GMEB2: variants seen among roughly 807,000 people sequenced by gnomAD.
The protein encoded by GMEB2 is glucocorticoid modulatory element binding protein 2, also known as glucocorticoid modulatory element-binding protein 2.
In GMEB2, 7 loss-of-function variants were observed where a neutral mutation model predicts 45.7. The observed-to-expected ratio is 0.15, with a 90% CI of 0.09 to 0.29. The LOEUF (loss-of-function observed/expected upper bound fraction) is 0.29, where lower values mean the gene tolerates loss of function less well. Ranked by LOEUF, GMEB2 falls within the 10% of genes least tolerant of loss-of-function variation. GMEB2 has a pLI of 1.00. For missense variants in GMEB2, 582 were observed against 739.2 expected (o/e 0.79, Z 2.47); for synonymous variants, 322 against 323.6 (o/e 1.00, Z 0.05).
Position 63,592,233 on chromosome 20 carries a change from G to A in GMEB2, c.830-89C>T. 1.6e-6 allele frequency: 2 copies of A among 1,287,070 alleles called. No homozygotes were observed. Among genetic ancestry groups the A allele is most frequent in the South Asian group, 2.7e-5 (2 of 74,762 alleles). The allele number at this position is 1,287,070 out of a possible 1,614,324, so 79.7% of individuals were successfully genotyped here. A position where few individuals can be genotyped will look rare whatever the true frequency, so the allele number is the denominator to read the frequency against. On this transcript the variant is annotated intron_variant, in intron 8 of 9. Coordinates refer to ENST00000370077, the MANE Select transcript of GMEB2 (RefSeq NM_012384.5). This position sits in a 1 kb window ranked among gnomAD's most constrained non-coding sequence, Gnocchi z 8.2. Reference sequence around the variant, plus strand: ...TCGGTGAGAGCCCGGGACCTTCCTAGAGAGTCACGTGGACGCTCGGTGAGA... The same window carrying A: ...TCGGTGAGAGCCCGGGACCTTCCTAAAGAGTCACGTGGACGCTCGGTGAGA...
intron 4 of GMEB2, among the ~76,000 whole-genome samples, chr20:63,601,859 G>GGGCCTGTGGCTTCCGTGC: frequency 6.9e-6 from 1 of 145,074 alleles, no homozygotes; most frequent in East Asian, 2.0e-4. Context: ...GGCTTCCGTG[G>GGGCCTGTGGCTTCCGTGC]GGCCTGTGGC....
chr20:63,622,806 C>T (rs7272173), intron 1 of GMEB2, among the ~76,000 whole-genome samples: 189 of 152,240 alleles, frequency 1.2e-3, no homozygotes, highest in African/African-American at 4.4e-3. Flanking sequence ...TGGTTAAACA[C>T]CATGAAGGAA....
chr20:63,603,234 A>C, intron 3 of GMEB2, 142 bp from the exon 4 acceptor site: 1 of 827,556 alleles, frequency 1.2e-6, no homozygotes, highest in Non-Finnish European at 1.9e-6. Flanking sequence ...GATAGAGCCA[A>C]GGTGGGCAGG....
intron 9 of GMEB2, 112 bp downstream of exon 9, chr20:63,591,910 G>A: frequency 1.1e-6 from 1 of 883,676 alleles, no homozygotes; most frequent in African/African-American, 1.7e-5. Context: ...GCTCGCCGTG[G>A]TGGCGGTGAC....
At chr20:63,601,853 T>TTA (rs1569052244) in intron 4 of GMEB2, among the ~76,000 whole-genome samples, 1 of 141,420 alleles carries the variant, frequency 7.1e-6, no homozygotes, top group Non-Finnish European at 1.6e-5. Flanking sequence ...GCCTGTGGCT[T>TTA]CCGTGGGGCC....
rs2083120475 is a variant in GMEB2 at position 63,589,188 on chromosome 20, A to G, written c.*901T>C. On this transcript the variant is annotated 3_prime_UTR_variant, in exon 10 of 10. Transcript: ENST00000370077. Reference sequence around the variant, plus strand: ...CCCAGGACTGAAGCCCTAGGGACACACCTCATGGATCTCAGACCCCTGGGA... The same window carrying G: ...CCCAGGACTGAAGCCCTAGGGACACGCCTCATGGATCTCAGACCCCTGGGA... 2.5e-6 allele frequency: 1 copy of G among 399,020 alleles called. No homozygotes were observed. Among genetic ancestry groups the G allele is most frequent in the Admixed American group, 4.4e-5 (1 of 22,720 alleles). 24.7% of individuals were successfully genotyped at this position (399,020 alleles called of 1,614,324 possible).
In GMEB2 at chr20:63,592,587, C is replaced by T; in HGVS notation, c.775G>A (p.Glu259Lys). The T allele has an allele frequency of 6.2e-7, 1 of 1,612,544 alleles. No homozygotes were observed. Among genetic ancestry groups the T allele is most frequent in the Non-Finnish European group, 8.5e-7 (1 of 1,178,684 alleles). ...VIQEFHQELV[E>K]TMRGLQQRVQ... ...CGCTGCTGCAGGCCTCTCATGGTCT[C>T]CACCAGCTCCTGGTGGAACTCCTGG... is the stretch of plus-strand genomic sequence containing the variant. Residue 259 changes from glutamate (E) to lysine (K), a missense_variant, in exon 8 of 10, where the codon GAG (glutamate) becomes AAG (lysine). Physicochemically the swap from Glu to Lys is moderately conservative, Grantham distance 56. Coordinates refer to ENST00000370077, the MANE Select transcript of GMEB2 (RefSeq NM_012384.5). This position sits in a 1 kb window ranked among gnomAD's most constrained non-coding sequence, Gnocchi z 8.2.
At position 63,589,778 on chromosome 20, in the gene GMEB2, GC is replaced by G. The variant is rs1213441394; in HGVS notation, c.*310del. On this transcript the variant is annotated 3_prime_UTR_variant, in exon 10 of 10. Coordinates refer to ENST00000370077, the MANE Select transcript of GMEB2 (RefSeq NM_012384.5). ...CTCTGCTGCACCCAGGCTCCCCCTAGCCCCCGCCCACCTGGCTCCTGATCAA... is the reference window on the plus strand; with the variant it reads ...CTCTGCTGCACCCAGGCTCCCCCTAGCCCCGCCCACCTGGCTCCTGATCAA... 4 of 267,906 alleles carry G rather than the reference GC, an allele frequency of 1.5e-5. No individual in the cohort carries two copies. Among genetic ancestry groups the G allele is most frequent in the Non-Finnish European group, 7.0e-6 (1 of 142,838 alleles). 16.6% of individuals were successfully genotyped at this position (267,906 alleles called of 1,614,324 possible).
At chr20:63,611,904 C>T (rs762297530) in intron 2 of GMEB2, among the ~76,000 whole-genome samples, 21 of 151,774 alleles carry the variant, frequency 1.4e-4, no homozygotes, top group Non-Finnish European at 2.4e-4. Flanking sequence ...AAAATCTACA[C>T]GGGGCCGGGC....
chr20:63,602,378 A>G (rs1179696096), intron 4 of GMEB2, among the ~76,000 whole-genome samples: 7 of 152,154 alleles, frequency 4.6e-5, no homozygotes, highest in Admixed American at 2.0e-4. Flanking sequence ...ACCTCAAGGA[A>G]GCCCTGGGCT....
In GMEB2 at chr20:63,619,140, C is replaced by T; in HGVS notation, c.131+127G>A. Reference sequence around the variant, plus strand: ...CTCTACTTACACACACATTTGAGTCCAGTCTCAGAAGAACTGGAACTAGAA... The same window carrying T: ...CTCTACTTACACACACATTTGAGTCTAGTCTCAGAAGAACTGGAACTAGAA... On this transcript the variant is annotated intron_variant, in intron 2 of 9. Transcript: ENST00000370077. This position sits in a 1 kb window ranked among gnomAD's most constrained non-coding sequence, Gnocchi z 4.6. 2.2e-6 allele frequency: 2 copies of T among 907,852 alleles called. No individual in the cohort carries two copies. The highest frequency in any genetic ancestry group is 1.6e-6 in the Non-Finnish European group (1 of 626,670). The allele number at this position is 907,852 out of a possible 1,614,324, so 56.2% of individuals were successfully genotyped here. A position where few individuals can be genotyped will look rare whatever the true frequency, so the allele number is the denominator to read the frequency against.
intron 3 of GMEB2, 142 bp from the exon 4 acceptor site, chr20:63,603,234 A>G: frequency 1.2e-6 from 1 of 827,556 alleles, no homozygotes; most frequent in Non-Finnish European, 1.9e-6. Context: ...GATAGAGCCA[A>G]GGTGGGCAGG....
chr20:63,607,005 G>A lies in GMEB2; in HGVS notation c.132-2165C>T, dbSNP rs924551281. 3.3e-5 allele frequency among the ~76,000 whole-genome samples: 5 copies of A among 152,118 alleles called. No homozygotes were observed. In the East Asian group the frequency reaches 5.8e-4, roughly 18 times the overall value. On this transcript the variant is annotated intron_variant, in intron 2 of 9. Transcript: ENST00000370077. ...GTGAGAGCTATGAGGAGGGCACTCC[G>A]CCTGCAGCCTAGAAACATGCCCCTC... is the stretch of plus-strand genomic sequence containing the variant.
At chr20:63,615,669 T>A (rs550284273) in intron 2 of GMEB2, among the ~76,000 whole-genome samples, 2 of 152,138 alleles carry the variant, frequency 1.3e-5, no homozygotes, top group East Asian at 3.9e-4. Flanking sequence ...TTAGAAGAGA[T>A]GAAAATTCAT....
chr20:63,618,259 C>T (rs1008305364), intron 2 of GMEB2, among the ~76,000 whole-genome samples: 3 of 152,248 alleles, frequency 2.0e-5, no homozygotes, highest in African/African-American at 7.2e-5. Context: ...CATTTCCAGA[C>T]ATGGCCACCA....
At position 63,604,858 on chromosome 20, in the gene GMEB2, G is replaced by A; in HGVS notation, c.132-18C>T. 7.0e-7 allele frequency: 1 copy of A among 1,431,904 alleles called. No individual in the cohort carries two copies. The highest frequency in any genetic ancestry group is 9.9e-7 in the Non-Finnish European group (1 of 1,013,364). 88.7% of individuals were successfully genotyped at this position (1,431,904 alleles called of 1,614,324 possible). A position where few individuals can be genotyped will look rare whatever the true frequency, so the allele number is the denominator to read the frequency against. ...GGTCGCCCCTGGTGAAGTGAAGGGA[G>A]GAGAGAATAGAATCAGGATCCCGGA... On this transcript the variant is annotated intron_variant, in intron 2 of 9. Transcript: ENST00000370077.
intron 6 of GMEB2, among the ~76,000 whole-genome samples, chr20:63,594,468 A>C (rs996379499): frequency 6.6e-6 from 1 of 152,156 alleles, no homozygotes; most frequent in Non-Finnish European, 1.5e-5. Context: ...TCAGCACTGA[A>C]CCTGCCAGGC....
rs193054679 is a variant in GMEB2, at chr20:63,595,122, A to G, written c.619+488T>C. ...CTCTCCACAGTTTAGAGCTACAGAC[A>G]CCAACGTGGAACAGTATCTAAAGCG... On this transcript the variant is annotated intron_variant, in intron 6 of 9. Coordinates refer to ENST00000370077, the MANE Select transcript of GMEB2 (RefSeq NM_012384.5). Among the ~76,000 whole-genome samples the G allele has an allele frequency of 5.3e-5, 8 of 152,350 alleles. No individual in the cohort carries two copies. The East Asian group carries it at 1.5e-3, about 29-fold the overall frequency.
intron 1 of GMEB2, among the ~76,000 whole-genome samples, chr20:63,624,547 C>T (rs2089658190): frequency 6.6e-6 from 1 of 152,180 alleles, no homozygotes; most frequent in Admixed American, 6.5e-5. Flanking sequence ...TAAGGGTAAG[C>T]TCAGCAGGGG....
Sources: gnomAD v4.1 joint callset for allele counts (sites outside exome capture counted in the v4.1 genomes callset) on GRCh38, gnomAD v4.1.1 for gene constraint, Gnocchi (gnomAD v3.1) non-coding constraint, MANE v1.5 for transcripts, NCBI Gene and HGNC (gene_info 2026-07-23, HGNC 2026-07-21) for gene names.